The following SIN3B variants were observed in gnomAD, a reference collection of about 807,000 sequenced individuals.
SIN3B encodes SIN3 transcription regulator family member B.
A neutral mutation model predicts 120.2 loss-of-function variants in SIN3B; 19 were observed. The ratio of observed to expected loss-of-function variants is 0.16; its 90% CI spans 0.11 to 0.23. The LOEUF (loss-of-function observed/expected upper bound fraction) is 0.23. Ranked by LOEUF, SIN3B falls within the 10% of genes least tolerant of loss-of-function variation. The pLI, the probability that SIN3B is intolerant of heterozygous loss-of-function variation, is 1.00. For missense variants in SIN3B, 1,073 were observed against 1,573.0 expected (o/e 0.68, Z 5.38); for synonymous variants, 654 against 653.2 (o/e 1.00, Z -0.02).
intron 6 of SIN3B, 144 bp from the exon 7 acceptor site, chr19:16,852,925 G>T: frequency 1.7e-6 from 1 of 593,758 alleles, no homozygotes; most frequent in Non-Finnish European, 2.9e-6. Flanking sequence ...TAACTGAGCG[G>T]CTCCTGCCTG....
chr19:16,861,533 C>T (rs959089922), intron 8 of SIN3B, among the ~76,000 whole-genome samples: 11 of 152,058 alleles, frequency 7.2e-5, no homozygotes, highest in East Asian at 1.9e-4. Context: ...GAGGCCGAGG[C>T]GGGTGAATCA....
chr19:16,872,148 C>G (rs1167476491), intron 14 of SIN3B, among the ~76,000 whole-genome samples: 3 of 152,016 alleles, frequency 2.0e-5, no homozygotes, highest in African/African-American at 4.8e-5. Flanking sequence ...TCATGGTGAC[C>G]TCCATTTCCT....
intron 3 of SIN3B, among the ~76,000 whole-genome samples, chr19:16,833,811 C>T (rs1339294487): frequency 1.3e-5 from 2 of 151,380 alleles, no homozygotes; most frequent in Non-Finnish European, 2.9e-5. Flanking sequence ...GCAACCTCCA[C>T]CTCCTGGGTT....
At position 16,871,129 on chromosome 19, in the gene SIN3B, C is replaced by A; in HGVS notation, c.2423-100C>A. 2.0e-6 allele frequency: 3 copies of A among 1,473,022 alleles called. No homozygotes were observed. In the East Asian group the frequency reaches 6.8e-5, roughly 33 times the overall value. 91.2% of individuals were successfully genotyped at this position (1,473,022 alleles called of 1,614,324 possible). A position where few individuals can be genotyped will look rare whatever the true frequency, so the allele number is the denominator to read the frequency against. On this transcript the variant is annotated intron_variant, in intron 13 of 18. Transcript: ENST00000248054. ...GGGTGGCAGGTGAGGGCTGTTGGGC[C>A]CCATGGGGGCATTTGTTGGGGCTCT...
intron 4 of SIN3B, among the ~76,000 whole-genome samples, chr19:16,846,635 C>T (rs1231923221): frequency 1.1e-4 from 16 of 152,216 alleles, no homozygotes; most frequent in Admixed American, 1.0e-3. Context: ...CCCAGTTCTA[C>T]ACTCCCCATT....
At position 16,847,032 on chromosome 19, in the gene SIN3B, C is replaced by G. The variant is rs774398534; in HGVS notation, c.645C>G (p.Thr215=). 1.2e-6 allele frequency: 2 copies of G among 1,614,040 alleles called. No individual in the cohort carries two copies. The highest frequency in any genetic ancestry group is 1.7e-6 in the Non-Finnish European group (2 of 1,179,998). ...FRGMSEEEVF[T]EVANLFRGQE... ...GCATGTCTGAAGAGGAGGTGTTCAC[C>G]GAGGTGGCCAACCTCTTCCGGGGCC... The change falls in exon 5 of 19, where the codon ACC becomes ACG. Residue 215 remains threonine (T), a synonymous_variant. Coordinates refer to ENST00000248054, the MANE Select transcript of SIN3B (RefSeq NM_001297595.2).
chr19:16,865,127 G>A (rs1478849194), intron 10 of SIN3B: 6 of 307,960 alleles, frequency 1.9e-5, no homozygotes, highest in East Asian at 5.6e-5. Context: ...CACCGTGCCC[G>A]GCCATAAATT....
chr19:16,854,964 C>T (rs147764388), intron 8 of SIN3B: 5 of 152,308 alleles, frequency 3.3e-5, no homozygotes, highest in Admixed American at 6.5e-5. Context: ...GCCGTAGGAA[C>T]GTCATTCTTG....
Position 16,862,441 on chromosome 19 carries a change from A to C in SIN3B, c.1148A>C (p.Asp383Ala). The stretch of plus-strand genomic sequence containing the variant: ...CCACCCATGAGCGACAGATCCGGGG[A>C]CGGGATAAGCCGGGAAATTGATTAT... ...FAPPMSDRSG[D>A]GISREIDYAS... The change falls in exon 9 of 19, where the codon GAC (aspartate) becomes GCC (alanine). Residue 383 changes from aspartate (D) to alanine (A), a missense_variant. By Grantham distance (126) the Asp-to-Ala change is moderately radical. This residue lies in a region of SIN3B where 395 missense variants were observed against 528.0 expected (regional missense o/e 0.75). Transcript: ENST00000248054. This position sits in a 1 kb window ranked among gnomAD's most constrained non-coding sequence, Gnocchi z 4.7. 6.2e-7 allele frequency: 1 copy of C among 1,614,130 alleles called. No individual in the cohort carries two copies. The highest frequency in any genetic ancestry group is 8.5e-7 in the Non-Finnish European group (1 of 1,180,020).
rs777140194 is a variant in SIN3B, at chr19:16,870,041, C to T, written c.2388C>T (p.Ser796=). ...GTGAGGGCCGCAGGGAGAAGGGCAGCGACCCCGCCATGGAGCTGCGGCTGA... is the reference window on the plus strand; with the variant it reads ...GTGAGGGCCGCAGGGAGAAGGGCAGTGACCCCGCCATGGAGCTGCGGCTGA... ...LLCEGRREKG[S]DPAMELRLKQ... is the part of the protein sequence containing the mutation. The change falls in exon 13 of 19, where the codon AGC becomes AGT. Residue 796 remains serine (S), a synonymous_variant. Transcript: ENST00000248054. 8 of 1,607,048 alleles carry T rather than the reference C, an allele frequency of 5.0e-6. No homozygotes were observed. Among genetic ancestry groups the T allele is most frequent in the Middle Eastern group, 1.9e-4 (1 of 5,398 alleles).
chr19:16,857,107 T>C (rs1971626115), intron 8 of SIN3B, among the ~76,000 whole-genome samples: 2 of 152,216 alleles, frequency 1.3e-5, no homozygotes, highest in Admixed American at 6.5e-5. Context: ...ATGTATAGCA[T>C]CCTGTTTTTA....
chr19:16,833,151 C>G (rs1014790906), intron 3 of SIN3B, among the ~76,000 whole-genome samples: 1 of 152,104 alleles, frequency 6.6e-6, no homozygotes, highest in South Asian at 2.1e-4. Flanking sequence ...GTCCTTGCCT[C>G]GAGAGTTTTA....
chr19:16,853,213 C>T, intron 7 of SIN3B, 55 bp downstream of exon 7: 1 of 1,516,954 alleles, frequency 6.6e-7, no homozygotes, highest in Non-Finnish European at 9.2e-7. Flanking sequence ...CTGGCTGGGC[C>T]AATGCTCCCT....
At position 16,862,563 on chromosome 19, in the gene SIN3B, G is replaced by A; in HGVS notation, c.1266+4G>A. 6.2e-7 allele frequency: 1 copy of A among 1,611,330 alleles called. No homozygotes were observed. Among genetic ancestry groups the A allele is most frequent in the Non-Finnish European group, 8.5e-7 (1 of 1,179,432 alleles). On this transcript the variant is annotated splice_donor_region_variant and intron_variant, in intron 9 of 18. Coordinates refer to ENST00000248054, the MANE Select transcript of SIN3B (RefSeq NM_001297595.2). This position sits in a 1 kb window ranked among gnomAD's most constrained non-coding sequence, Gnocchi z 4.7. ...GAGGACAGCCATCTGCAAGGAGGTA[G>A]CGCTCCCTGGGGCTCAAATGTTCGT...
Position 16,877,527 on chromosome 19 carries a change from GTC to G in SIN3B, c.2860-13_2860-12del. On this transcript the variant is annotated splice_polypyrimidine_tract_variant and intron_variant, in intron 16 of 18. Transcript: ENST00000248054. ...CTGCTGTAGGGGCATCACGGGCTGT[GTC>G]TCTCCCTGTCCCCAGCACCTGGCTC... The G allele has an allele frequency of 6.3e-7, 1 of 1,584,768 alleles. No homozygotes were observed. The highest frequency in any genetic ancestry group is 8.6e-7 in the Non-Finnish European group (1 of 1,162,756).
chr19:16,867,853 A>G (rs1971799674), intron 12 of SIN3B, among the ~76,000 whole-genome samples: 1 of 152,012 alleles, frequency 6.6e-6, no homozygotes, highest in South Asian at 2.1e-4. Context: ...TCCTCACTCT[A>G]GTCCTCGGCG....
Position 16,869,495 on chromosome 19 carries a change from C to A in SIN3B, c.1842C>A (p.Pro614=). 6.2e-7 allele frequency: 1 copy of A among 1,612,840 alleles called. No homozygotes were observed. The highest frequency in any genetic ancestry group is 1.3e-5 in the African/African-American group (1 of 75,036). The change falls in exon 13 of 19, where the codon CCC becomes CCA. Residue 614 remains proline (P), a synonymous_variant. Coordinates refer to ENST00000248054, the MANE Select transcript of SIN3B (RefSeq NM_001297595.2). ...AGCACTCGGAGGGCCGCAGTGCCCC[C>A]TCTAGCGAGCCGCACCTCATCTTTG... ...QEQHSEGRSA[P]SSEPHLIFVY... is the part of the protein sequence containing the mutation.
intron 14 of SIN3B, among the ~76,000 whole-genome samples, chr19:16,873,667 T>A (rs956189702): frequency 2.0e-5 from 3 of 152,110 alleles, no homozygotes; most frequent in Non-Finnish European, 4.4e-5. Context: ...CATAAACAAC[T>A]CCTCTAGAAC....
chr19:16,839,194 C>T (rs1259203584), intron 3 of SIN3B, among the ~76,000 whole-genome samples: 3 of 152,116 alleles, frequency 2.0e-5, no homozygotes, highest in African/African-American at 7.2e-5. Flanking sequence ...TCTCAAACTC[C>T]TGACTTCAAG....
Sources: allele counts gnomAD v4.1 joint callset (sites outside exome capture counted in the v4.1 genomes callset), GRCh38; gene constraint gnomAD v4.1.1; regional missense constraint gnomAD v4.1.1; non-coding constraint Gnocchi (gnomAD v3.1); transcripts MANE v1.5; gene names NCBI Gene and HGNC (gene_info 2026-07-23, HGNC 2026-07-21).